MYT1L: variants seen among roughly 807,000 people sequenced by gnomAD.
The protein encoded by MYT1L is myelin transcription factor 1-like protein.
Under a neutral mutation model 126.7 loss-of-function variants are expected in MYT1L, and 12 were observed. The ratio of observed to expected loss-of-function variants is 0.09; its 90% CI spans 0.06 to 0.15. The LOEUF (loss-of-function observed/expected upper bound fraction) is 0.15. Among genes scored for constraint, MYT1L ranks in the 10% least tolerant of loss-of-function variants. The pLI, the probability that MYT1L is intolerant of heterozygous loss-of-function variation, is 1.00. For synonymous variants in MYT1L, 541 were observed against 604.2 expected, an observed-to-expected ratio of 0.90 and a Z score of 1.53; for missense variants, 979 against 1,585.2, an observed-to-expected ratio of 0.62 and a Z score of 6.49.
At position 2,271,003 on chromosome 2, in the gene MYT1L, C is replaced by T. The variant is rs112286725; in HGVS notation, c.-421+13401G>A. ...GTCAAGGATGTGGTTGCGTGTTCTT[C>T]GCTTCCTCCTTCCGGGGAGCATGCC... On this transcript the variant is annotated intron_variant, in intron 2 of 24. Coordinates refer to ENST00000647738, the MANE Select transcript of MYT1L (RefSeq NM_001303052.2). Among the ~76,000 whole-genome samples, 293 of 152,318 alleles carry T rather than the reference C, an allele frequency of 1.9e-3. 1 individual carries two copies. The highest frequency in any genetic ancestry group is 6.0e-3 in the African/African-American group (248 of 41,580).
intron 22 of MYT1L, among the ~76,000 whole-genome samples, chr2:1,802,152 C>T (rs1437384318): frequency 6.6e-6 from 1 of 152,178 alleles, no homozygotes; most frequent in African/African-American, 2.4e-5. Context: ...CCTGTTTTCT[C>T]CTGCTTTTGT....
intron 21 of MYT1L, among the ~76,000 whole-genome samples, chr2:1,817,768 T>C (rs2037909944): frequency 6.6e-6 from 1 of 152,130 alleles, no homozygotes; most frequent in Non-Finnish European, 1.5e-5. Context: ...GCCAAGGAGG[T>C]CAGCCCACGG....
At chr2:1,802,012 A>T (rs768854776) in intron 22 of MYT1L, 1 of 484,594 alleles carries the variant, frequency 2.1e-6, no homozygotes, top group Non-Finnish European at 3.6e-6. Flanking sequence ...ACAAAAAGGA[A>T]CAAACAATTG....
At chr2:2,313,257 G>C (rs1338962862) in intron 1 of MYT1L, among the ~76,000 whole-genome samples, 1 of 140,418 alleles carries the variant, frequency 7.1e-6, no homozygotes, top group Non-Finnish European at 1.6e-5. Context: ...GAAGATCTCA[G>C]CTGATAAAAA....
At chr2:2,016,662 G>T (rs951210546) in intron 4 of MYT1L, among the ~76,000 whole-genome samples, 1 of 152,126 alleles carries the variant, frequency 6.6e-6, no homozygotes, top group Non-Finnish European at 1.5e-5. Flanking sequence ...GACAATAAAA[G>T]ACAAAAATAA....
At chr2:2,011,923 T>C (rs1254846894) in intron 4 of MYT1L, among the ~76,000 whole-genome samples, 1 of 152,172 alleles carries the variant, frequency 6.6e-6, no homozygotes, top group Non-Finnish European at 1.5e-5. Flanking sequence ...TCATTGCACT[T>C]GAGGATGGCC....
intron 1 of MYT1L, chr2:2,327,137 A>T (rs1284903751): frequency 6.6e-6 from 1 of 152,236 alleles, no homozygotes; most frequent in Non-Finnish European, 1.5e-5. Context: ...CATATGAGTT[A>T]TGGTCACTAT....
chr2:2,181,810 A>G (rs2091566001), intron 2 of MYT1L, among the ~76,000 whole-genome samples: 1 of 152,212 alleles, frequency 6.6e-6, no homozygotes, highest in African/African-American at 2.4e-5. Flanking sequence ...AAGTGAGAGA[A>G]AAAGGACTTT....
At chr2:2,098,875 G>A (rs1415304542) in intron 3 of MYT1L, among the ~76,000 whole-genome samples, 2 of 152,162 alleles carry the variant, frequency 1.3e-5, no homozygotes, top group African/African-American at 2.4e-5. Context: ...AAAGATAGGT[G>A]GTGGGGTCTG....
intron 8 of MYT1L, among the ~76,000 whole-genome samples, chr2:1,949,797 G>A (rs377009867): frequency 4.5e-4 from 68 of 152,252 alleles, no homozygotes; most frequent in African/African-American, 1.3e-3. Context: ...AGCGGGGCTC[G>A]GAACGTCAGG....
Position 2,147,556 on chromosome 2 carries a change from G to C in MYT1L, c.-304+25316C>G, listed in dbSNP as rs572990281. Among the ~76,000 whole-genome samples, 4 of 152,370 alleles carry C rather than the reference G, an allele frequency of 2.6e-5. No individual in the cohort carries two copies. The East Asian group carries it at 7.7e-4, about 29-fold the overall frequency. On this transcript the variant is annotated intron_variant, in intron 3 of 24. Coordinates refer to ENST00000647738, the MANE Select transcript of MYT1L (RefSeq NM_001303052.2). The stretch of plus-strand genomic sequence containing the variant: ...GAACCCACAGCTGACTGTCTGTTCA[G>C]GCACAAGGCAGAAGCCACATATTCT...
intron 9 of MYT1L, among the ~76,000 whole-genome samples, chr2:1,940,486 T>C (rs909258703): frequency 3.4e-5 from 5 of 148,834 alleles, no homozygotes; most frequent in Non-Finnish European, 7.4e-5. Context: ...GGATGCTCAG[T>C]AAACTGGGTG....
At chr2:2,204,590 A>G (rs1033135346) in intron 2 of MYT1L, among the ~76,000 whole-genome samples, 23 of 143,130 alleles carry the variant, frequency 1.6e-4, no homozygotes, top group Admixed American at 4.1e-4. Flanking sequence ...TAGAATGGCA[A>G]TCATTAAAAA....
At chr2:2,234,834 T>A (rs1275851278) in intron 2 of MYT1L, among the ~76,000 whole-genome samples, 1 of 152,188 alleles carries the variant, frequency 6.6e-6, no homozygotes, top group Non-Finnish European at 1.5e-5. Flanking sequence ...AAACAGGCTC[T>A]GATTGCACTG....
rs779581573 is a variant in MYT1L at position 1,910,199 on chromosome 2, C to T, written c.1817+41G>A. ...CCAGCGCTCCGAGGTGTGGGGCAGA[C>T]TATGGATAGAGCTCACGGATGGTGC... On this transcript the variant is annotated intron_variant, in intron 13 of 24. Coordinates refer to ENST00000647738, the MANE Select transcript of MYT1L (RefSeq NM_001303052.2). The surrounding 1 kb of genome is among the most constrained non-coding windows in gnomAD (Gnocchi z 4.8). The T allele has an allele frequency of 3.2e-6, 5 of 1,573,034 alleles. No individual in the cohort carries two copies. The highest frequency in any genetic ancestry group is 4.4e-6 in the Non-Finnish European group (5 of 1,146,914).
intron 4 of MYT1L, among the ~76,000 whole-genome samples, chr2:2,032,891 G>T (rs1370463185): frequency 1.1e-4 from 15 of 140,584 alleles, no homozygotes; most frequent in Non-Finnish European, 1.7e-4. Context: ...CTCATCCTGT[G>T]ACCCAGAGCA....
intron 2 of MYT1L, among the ~76,000 whole-genome samples, chr2:2,248,259 C>T (rs1239133927): frequency 6.6e-6 from 1 of 151,716 alleles, no homozygotes; most frequent in Non-Finnish European, 1.5e-5. Flanking sequence ...CAACTATATA[C>T]CAATAAATTG....
At chr2:2,144,921 A>T (rs1219892614) in intron 3 of MYT1L, among the ~76,000 whole-genome samples, 1 of 152,252 alleles carries the variant, frequency 6.6e-6, no homozygotes, top group East Asian at 1.9e-4. Context: ...TTATATCATT[A>T]TTCTTATAAA....
chr2:1,937,748 A>G (rs112345773), intron 9 of MYT1L, among the ~76,000 whole-genome samples: 1 of 144,554 alleles, frequency 6.9e-6, no homozygotes, highest in Non-Finnish European at 1.5e-5. Flanking sequence ...TCAGATGGCA[A>G]GTCGAGAAGG....
Sources: gnomAD v4.1 joint callset for allele counts (sites outside exome capture counted in the v4.1 genomes callset) on GRCh38, gnomAD v4.1.1 for gene constraint, Gnocchi (gnomAD v3.1) non-coding constraint, MANE v1.5 for transcripts, NCBI Gene and HGNC (gene_info 2026-07-23, HGNC 2026-07-21) for gene names.